Variants in DDC observed in about 807,000 individuals in gnomAD.
DDC encodes aromatic-L-amino-acid decarboxylase.
A neutral mutation model predicts 60.0 loss-of-function variants in DDC; 43 were observed. The ratio of observed to expected loss-of-function variants is 0.72; its 90% CI spans 0.56 to 0.92. The LOEUF (loss-of-function observed/expected upper bound fraction) is 0.92, where lower values mean the gene tolerates loss of function less well. Ranked by LOEUF, DDC falls within the 40% of genes least tolerant of loss-of-function variation. DDC has a pLI of 0.00. For synonymous variants in DDC, 232 were observed against 234.6 expected (o/e 0.99, Z 0.10); for missense variants, 573 against 620.2 (o/e 0.92, Z 0.81).
chr7:50,549,130 C>T (rs1229069555), intron 1 of DDC, among the ~76,000 whole-genome samples: 2 of 152,182 alleles, frequency 1.3e-5, no homozygotes, highest in Non-Finnish European at 2.9e-5. Flanking sequence ...ATTGACAATG[C>T]ACCTGGTCAC....
At position 50,479,718 on chromosome 7, in the gene DDC, G is replaced by A. The variant is rs561268905; in HGVS notation, c.1021+69C>T. On this transcript the variant is annotated intron_variant, in intron 10 of 14. Coordinates refer to ENST00000444124, the MANE Select transcript of DDC (RefSeq NM_001082971.2). ...TGGATGGTCTTCCCCTAACTCCCAGGGACCTCCAGGGCAGCTCTGAGGGGA... is the reference window on the plus strand; with the variant it reads ...TGGATGGTCTTCCCCTAACTCCCAGAGACCTCCAGGGCAGCTCTGAGGGGA... 6.4e-5 allele frequency: 85 copies of A among 1,338,038 alleles called. No homozygotes were observed. The Middle Eastern group carries it at 1.9e-3, about 31-fold the overall frequency. The allele number at this position is 1,338,038 out of a possible 1,614,324, so 82.9% of individuals were successfully genotyped here.
chr7:50,475,350 G>A (rs1471726426), intron 11 of DDC, among the ~76,000 whole-genome samples: 2 of 152,196 alleles, frequency 1.3e-5, no homozygotes, highest in African/African-American at 4.8e-5. Context: ...GTTTTAAATG[G>A]CATCATCCAT....
chr7:50,532,028 C>A (rs1226646300), intron 4 of DDC: 1 of 152,226 alleles, frequency 6.6e-6, no homozygotes, highest in Non-Finnish European at 1.5e-5. Flanking sequence ...ACCATTTTCC[C>A]AGACCACATT....
intron 6 of DDC, among the ~76,000 whole-genome samples, chr7:50,523,241 A>T (rs956356817): frequency 2.0e-5 from 3 of 152,338 alleles, no homozygotes; most frequent in South Asian, 2.1e-4. Flanking sequence ...ATAGGAGAAA[A>T]CCTAGATGAC....
intron 1 of DDC, among the ~76,000 whole-genome samples, chr7:50,551,525 G>A (rs867165586): frequency 3.3e-5 from 5 of 152,074 alleles, no homozygotes; most frequent in East Asian, 1.9e-4. Flanking sequence ...GAGCCACCGC[G>A]CCCGGCCCCA....
chr7:50,477,250 C>A (rs1585152634), intron 10 of DDC, among the ~76,000 whole-genome samples: 1 of 152,212 alleles, frequency 6.6e-6, no homozygotes, highest in African/African-American at 2.4e-5. Flanking sequence ...CAGCAAACCC[C>A]AGGACAATAA....
At chr7:50,560,651 C>CA (rs1184455378) in intron 1 of DDC, among the ~76,000 whole-genome samples, 5 of 152,142 alleles carry the variant, frequency 3.3e-5, no homozygotes, top group African/African-American at 1.2e-4. Context: ...TCTACATGCA[C>CA]ATGAGCCAGT....
intron 7 of DDC, among the ~76,000 whole-genome samples, chr7:50,502,617 C>T (rs774316303): frequency 9.9e-5 from 15 of 152,198 alleles, no homozygotes; most frequent in Non-Finnish European, 2.2e-4. Context: ...GGGCTGTGCA[C>T]GACCACTTCC....
intron 6 of DDC, among the ~76,000 whole-genome samples, chr7:50,522,449 C>A (rs1197277397): frequency 6.6e-6 from 1 of 152,122 alleles, no homozygotes; most frequent in Non-Finnish European, 1.5e-5. Flanking sequence ...GGCAAAGGAC[C>A]TAGAATAGTC....
At chr7:50,469,643 C>A (rs1229165944) in intron 12 of DDC, among the ~76,000 whole-genome samples, 1 of 152,138 alleles carries the variant, frequency 6.6e-6, no homozygotes, top group Non-Finnish European at 1.5e-5. Flanking sequence ...ATCTCAACAA[C>A]CCAAACTACA....
chr7:50,467,513 T>A (rs1199592571), intron 12 of DDC, among the ~76,000 whole-genome samples, 198 bp from the exon 13 acceptor site: 1 of 152,252 alleles, frequency 6.6e-6, no homozygotes, highest in Non-Finnish European at 1.5e-5. Context: ...AGCACAGGTC[T>A]AGTGTCCTCA....
At position 50,537,929 on chromosome 7, in the gene DDC, G is replaced by T. The variant is rs377528325; in HGVS notation, c.366C>A (p.Leu122=). The T allele has an allele frequency of 6.2e-7, 1 of 1,613,838 alleles. No homozygotes were observed. Among genetic ancestry groups the T allele is most frequent in the Non-Finnish European group, 8.5e-7 (1 of 1,179,972 alleles). ...CCTTTGGTAGTTCCAGCATCTTCCCGAGCCAGTCCATCATCACAGTCTCCA... is the reference window on the plus strand; with the variant it reads ...CCTTTGGTAGTTCCAGCATCTTCCCTAGCCAGTCCATCATCACAGTCTCCA... ...TELETVMMDW[L]GKMLELPKAF... Residue 122 remains leucine (L), a synonymous_variant, in exon 4 of 15, where the codon CTC becomes CTA. Transcript: ENST00000444124.
rs184330073 is a variant in DDC, at chr7:50,477,377, C to T, written c.1022-734G>A. The stretch of plus-strand genomic sequence containing the variant: ...CATGCTGCAGTCCTGCTGCACAGAT[C>T]GGTGGAAAAGGGAGTCTTGTGCTCT... On this transcript the variant is annotated intron_variant, in intron 10 of 14. Coordinates refer to ENST00000444124, the MANE Select transcript of DDC (RefSeq NM_001082971.2). 1.5e-4 allele frequency among the ~76,000 whole-genome samples: 23 copies of T among 152,306 alleles called. No homozygotes were observed. In the East Asian group the frequency reaches 3.9e-3, roughly 26 times the overall value.
intron 14 of DDC, among the ~76,000 whole-genome samples, chr7:50,459,420 C>G (rs1444429457): frequency 1.3e-5 from 2 of 151,398 alleles, no homozygotes; most frequent in East Asian, 3.9e-4. Flanking sequence ...GGCCGCCCAT[C>G]GTCTGGGACG....
intron 4 of DDC, among the ~76,000 whole-genome samples, chr7:50,533,787 G>A (rs2044296856): frequency 6.6e-6 from 1 of 152,200 alleles, no homozygotes; most frequent in African/African-American, 2.4e-5. Context: ...TCTCCACACT[G>A]CACAGAGCTG....
rs140562157 is a variant in DDC, at chr7:50,479,840, G to C, written c.968C>G (p.Thr323Arg). The C allele has an allele frequency of 6.2e-7, 1 of 1,613,522 alleles. No individual in the cohort carries two copies. The highest frequency in any genetic ancestry group is 8.5e-7 in the Non-Finnish European group (1 of 1,179,912). ...AGTGGGGTCCAGTCTAAAGGCTCCC[G>C]TTAAGTCTGTTCTCTTTTTCACCCT... is the stretch of plus-strand genomic sequence containing the variant. ...AMWVKKRTDLTGAFRLDPTYL... is the reference protein window; with the variant it reads ...AMWVKKRTDLRGAFRLDPTYL... Residue 323 changes from threonine to arginine, a missense_variant, in exon 10 of 15, where the codon ACG becomes AGG. By Grantham distance (71) the Thr-to-Arg change is moderately conservative. Coordinates refer to ENST00000444124, the MANE Select transcript of DDC (RefSeq NM_001082971.2).
chr7:50,538,332 T>A (rs973562404), intron 3 of DDC, among the ~76,000 whole-genome samples: 4 of 152,204 alleles, frequency 2.6e-5, no homozygotes, highest in African/African-American at 7.2e-5. Context: ...GCTGGGCAGC[T>A]GTCACCCTCT....
chr7:50,538,398 A>G (rs1350069007), intron 3 of DDC, among the ~76,000 whole-genome samples: 5 of 152,150 alleles, frequency 3.3e-5, no homozygotes, highest in Admixed American at 2.0e-4. Flanking sequence ...ACTTTTCTCT[A>G]TGAACTCTCC....
intron 14 of DDC, among the ~76,000 whole-genome samples, chr7:50,462,771 T>C (rs76343219): frequency 7.1e-6 from 1 of 140,120 alleles, no homozygotes; most frequent in Non-Finnish European, 1.5e-5. Context: ...TCTTCTTGTT[T>C]TTTTTTTTTT....
Sources: allele counts gnomAD v4.1 joint callset (sites outside exome capture counted in the v4.1 genomes callset), GRCh38; gene constraint gnomAD v4.1.1; transcripts MANE v1.5; gene names NCBI Gene and HGNC (gene_info 2026-07-23, HGNC 2026-07-21).